IQGAP2: variants seen among roughly 807,000 people sequenced by gnomAD.
IQGAP2 encodes IQ motif containing GTPase activating protein 2, also known as ras GTPase-activating-like protein IQGAP2.
A neutral mutation model predicts 201.3 loss-of-function variants in IQGAP2; 173 were observed. The ratio of observed to expected loss-of-function variants is 0.86; its 90% CI spans 0.76 to 0.98. IQGAP2 has a LOEUF of 0.98. Ranked by LOEUF, IQGAP2 falls within the 50% of genes least tolerant of loss-of-function variation. IQGAP2 has a pLI of 0.00. For missense variants in IQGAP2, 1,687 were observed against 1,864.8 expected, an observed-to-expected ratio of 0.90 and a Z score of 1.76; for synonymous variants, 675 against 673.9, an observed-to-expected ratio of 1.00 and a Z score of -0.03.
intron 12 of IQGAP2, chr5:76,606,857 ATCTTGCT>A (rs1747843320): frequency 1.3e-5 from 2 of 152,224 alleles, no homozygotes; most frequent in Admixed American, 1.3e-4. Flanking sequence ...TATCATTTGC[ATCTTGCT>A]TATGAAAATA....
chr5:76,499,428 C>A (rs189216540), intron 2 of IQGAP2, among the ~76,000 whole-genome samples: 1 of 152,316 alleles, frequency 6.6e-6, no homozygotes, highest in African/African-American at 2.4e-5. Context: ...TTTCCCCATT[C>A]AGAAATAAAA....
At chr5:76,481,467 C>T (rs1181258172) in intron 2 of IQGAP2, among the ~76,000 whole-genome samples, 2 of 151,840 alleles carry the variant, frequency 1.3e-5, no homozygotes, top group Admixed American at 6.6e-5. Flanking sequence ...TCTGAAACCT[C>T]TGCCTCCTGG....
intron 15 of IQGAP2, among the ~76,000 whole-genome samples, chr5:76,636,741 C>T (rs1372387684): frequency 2.0e-5 from 3 of 152,200 alleles, no homozygotes; most frequent in Non-Finnish European, 4.4e-5. Flanking sequence ...TTATTGTTTG[C>T]TTTTCCTTCT....
intron 2 of IQGAP2, among the ~76,000 whole-genome samples, chr5:76,514,203 T>G (rs913751271): frequency 1.3e-5 from 2 of 151,932 alleles, no homozygotes; most frequent in African/African-American, 4.8e-5. Context: ...TTTGTATTTT[T>G]AATACAGACG....
intron 13 of IQGAP2, among the ~76,000 whole-genome samples, chr5:76,614,596 TCC>T (rs1299782309): frequency 7.0e-6 from 1 of 143,622 alleles, no homozygotes; most frequent in Non-Finnish European, 1.5e-5. Flanking sequence ...TCTTTGTTTT[TCC>T]CCTCTGCTTT....
chr5:76,437,938 G>A (rs10063932), intron 1 of IQGAP2, among the ~76,000 whole-genome samples: 109,220 of 150,578 alleles, frequency 0.73, 43,276 homozygotes, highest in Non-Finnish European at 0.89. Flanking sequence ...TTGATGTGCC[G>A]TTGGATTTGG....
chr5:76,419,053 A>G (rs978904015), intron 1 of IQGAP2, among the ~76,000 whole-genome samples: 3 of 152,224 alleles, frequency 2.0e-5, no homozygotes, highest in Admixed American at 6.5e-5. Context: ...AGCTTTACCA[A>G]GAAAATGTGT....
chr5:76,532,362 A>T (rs1272555275), intron 2 of IQGAP2, among the ~76,000 whole-genome samples: 18 of 151,994 alleles, frequency 1.2e-4, no homozygotes, highest in Admixed American at 1.1e-3. Flanking sequence ...AAAGAAAAAA[A>T]ACCCATATGG....
chr5:76,620,188 G>C (rs930911955), intron 13 of IQGAP2, among the ~76,000 whole-genome samples: 1 of 152,188 alleles, frequency 6.6e-6, no homozygotes, highest in Non-Finnish European at 1.5e-5. Context: ...TTGTTTTTAA[G>C]ATGACTTAGG....
At chr5:76,640,546 C>T (rs1751490384) in intron 16 of IQGAP2, among the ~76,000 whole-genome samples, 1 of 152,146 alleles carries the variant, frequency 6.6e-6, no homozygotes, top group African/African-American at 2.4e-5. Context: ...ACCTTATGGC[C>T]ATTGCAGTCT....
intron 1 of IQGAP2, among the ~76,000 whole-genome samples, chr5:76,406,536 C>G (rs566337949): frequency 1.3e-5 from 2 of 152,360 alleles, no homozygotes; most frequent in South Asian, 2.1e-4. Context: ...TAGTATTTTT[C>G]TATACTCAAC....
At chr5:76,600,623 A>G (rs1747365534) in intron 10 of IQGAP2, among the ~76,000 whole-genome samples, 189 bp from the exon 11 acceptor site, 1 of 152,190 alleles carries the variant, frequency 6.6e-6, no homozygotes, top group South Asian at 2.1e-4. Context: ...ATGATCATCT[A>G]ATGAAAGCCC....
intron 17 of IQGAP2, among the ~76,000 whole-genome samples, chr5:76,647,023 A>AT (rs1018652564): frequency 5.9e-5 from 9 of 151,482 alleles, no homozygotes; most frequent in African/African-American, 2.2e-4. Flanking sequence ...GACACTTCTG[A>AT]TTTTTTTTTA....
At chr5:76,699,602 T>C (rs1165024634) in intron 33 of IQGAP2, 3 of 138,246 alleles carry the variant, frequency 2.2e-5, no homozygotes, top group South Asian at 2.3e-4. Context: ...GGCTTCTCTC[T>C]GTTTCTCTCT....
rs1554062080 is a variant in IQGAP2, at chr5:76,501,657, T to TTTTTTTTTC, written c.146+39988_146+39989insTTTTTTTTC. Among the ~76,000 whole-genome samples the TTTTTTTTTC allele has an allele frequency of 2.9e-3, 420 of 146,826 alleles. 6 individuals carry two copies. Among genetic ancestry groups the TTTTTTTTTC allele is most frequent in the African/African-American group, 0.01 (404 of 39,542 alleles). On this transcript the variant is annotated intron_variant, in intron 2 of 35. Transcript: ENST00000274364. ...TTTTTCCTTTTCTTTTTTTTTTTTTTCCTTGAGACAGTTTCACTCTTGTCA... is the reference window on the plus strand; with the variant it reads ...TTTTTCCTTTTCTTTTTTTTTTTTTTTTTTTTTTCCCTTGAGACAGTTTCACTCTTGTCA...
At chr5:76,667,271 C>T (rs891704672) in intron 22 of IQGAP2, among the ~76,000 whole-genome samples, 6 of 152,114 alleles carry the variant, frequency 3.9e-5, no homozygotes, top group African/African-American at 1.2e-4. Flanking sequence ...TACTGAGCTG[C>T]TTATTTATAA....
chr5:76,424,195 T>G (rs1270827476), intron 1 of IQGAP2, among the ~76,000 whole-genome samples: 2 of 152,228 alleles, frequency 1.3e-5, no homozygotes, highest in Admixed American at 1.3e-4. Context: ...GTTTTCAGTG[T>G]GTTTATTCCC....
At chr5:76,571,148 C>G (rs1248929718) in intron 4 of IQGAP2, among the ~76,000 whole-genome samples, 1 of 149,774 alleles carries the variant, frequency 6.7e-6, no homozygotes, top group African/African-American at 2.5e-5. Flanking sequence ...CACTTTATTA[C>G]TGTAAATTAT....
intron 2 of IQGAP2, among the ~76,000 whole-genome samples, chr5:76,481,817 A>C (rs567862971): frequency 6.6e-6 from 1 of 152,350 alleles, no homozygotes; most frequent in Non-Finnish European, 1.5e-5. Context: ...TAATACTTAC[A>C]TGGGGCTAGA....
Sources: allele counts gnomAD v4.1 joint callset (sites outside exome capture counted in the v4.1 genomes callset), GRCh38; gene constraint gnomAD v4.1.1; transcripts MANE v1.5; gene names NCBI Gene and HGNC (gene_info 2026-07-23, HGNC 2026-07-21).